The following SNX31 variants were observed in gnomAD, a reference collection of about 807,000 sequenced individuals.
SNX31 encodes sorting nexin-31.
Under a neutral mutation model 65.4 loss-of-function variants are expected in SNX31, and 58 were observed. The observed-to-expected ratio is 0.89, with a 90% CI of 0.72 to 1.10. SNX31 has a LOEUF of 1.10. Ranked by LOEUF, SNX31 falls within the 50% of genes least tolerant of loss-of-function variation. The probability of loss-of-function intolerance (pLI) is 0.00; values close to 1 mark genes in which losing one functional copy is unlikely to be tolerated. For synonymous variants in SNX31, 181 were observed against 190.1 expected, an observed-to-expected ratio of 0.95 and a Z score of 0.39; for missense variants, 523 against 529.7, an observed-to-expected ratio of 0.99 and a Z score of 0.12.
intron 4 of SNX31, among the ~76,000 whole-genome samples, chr8:100,619,359 A>G (rs906538205): frequency 3.9e-5 from 6 of 152,216 alleles, no homozygotes; most frequent in African/African-American, 1.2e-4. Context: ...CCATCTAGTG[A>G]GTGAGTTTCC....
chr8:100,641,947 CA>C (rs1405929896), intron 2 of SNX31, among the ~76,000 whole-genome samples: 1 of 151,626 alleles, frequency 6.6e-6, no homozygotes, highest in Non-Finnish European at 1.5e-5. Context: ...GGCTTGGTGG[CA>C]GGTGCCTGTA....
chr8:100,646,433 C>G (rs895136585), intron 2 of SNX31, among the ~76,000 whole-genome samples: 3 of 152,248 alleles, frequency 2.0e-5, no homozygotes, highest in African/African-American at 2.4e-5. Context: ...TGTTTCAGAC[C>G]TTTAAAGGTG....
chr8:100,611,890 T>C (rs1267027399), intron 7 of SNX31, 110 bp downstream of exon 7: 8 of 808,278 alleles, frequency 9.9e-6, no homozygotes, highest in African/African-American at 3.4e-5. Flanking sequence ...TCTAAGTTCT[T>C]GGTCTCCAGC....
intron 12 of SNX31, among the ~76,000 whole-genome samples, chr8:100,583,733 A>C (rs747323493): frequency 5.9e-5 from 9 of 152,204 alleles, no homozygotes; most frequent in Admixed American, 1.3e-4. Context: ...TAAACTTATA[A>C]TAAGATCATC....
rs1487018042 is a variant in SNX31, at chr8:100,625,488, A to G, written c.321+4839T>C. Reference sequence around the variant, plus strand: ...AATTAAAAGATTTCTCCAGTTGTTAAATTCAACTCAATTCAACTCAAAAAG... The same window carrying G: ...AATTAAAAGATTTCTCCAGTTGTTAGATTCAACTCAATTCAACTCAAAAAG... On this transcript the variant is annotated intron_variant, in intron 4 of 13. Coordinates refer to ENST00000311812, the MANE Select transcript of SNX31 (RefSeq NM_152628.4). This position sits in a 1 kb window ranked among gnomAD's most constrained non-coding sequence, Gnocchi z 4.2. Among the ~76,000 whole-genome samples the G allele has an allele frequency of 1.3e-5, 2 of 152,178 alleles. No individual in the cohort carries two copies. Among genetic ancestry groups the G allele is most frequent in the Admixed American group, 1.3e-4 (2 of 15,282 alleles).
chr8:100,618,485 TATGAC>T, intron 4 of SNX31: 1 of 650,458 alleles, frequency 1.5e-6, no homozygotes. Flanking sequence ...TCAATTCAAT[TATGAC>T]ATGCTTTGCT....
At chr8:100,649,207 C>A (rs1231584710) in intron 2 of SNX31, 67 bp downstream of exon 2, 2 of 1,513,940 alleles carry the variant, frequency 1.3e-6, no homozygotes, top group African/African-American at 1.4e-5. Context: ...AGGAACAGAG[C>A]GCTTTGGGGA....
In SNX31 at chr8:100,584,122, T is replaced by C; in HGVS notation, c.1159A>G (p.Asn387Asp). ...ATAAGAGCACTCACCATTTCTGTAT[T>C]CTCAGCAGCTAGCTTTACCATCTTT... The part of the protein sequence containing the change: ...SEKMVKLAAE[N>D]TEMQIEVPEQ... The change falls in exon 12 of 14, where the codon AAT (asparagine) becomes GAT (aspartate). Residue 387 changes from asparagine (N) to aspartate (D), a missense_variant. Physicochemically the swap from Asn to Asp is conservative, Grantham distance 23. Transcript: ENST00000311812. The C allele has an allele frequency of 6.2e-7, 1 of 1,604,962 alleles. No individual in the cohort carries two copies. The highest frequency in any genetic ancestry group is 8.5e-7 in the Non-Finnish European group (1 of 1,176,676).
Position 100,611,941 on chromosome 8 carries a change from C to G in SNX31, c.611+59G>C, listed in dbSNP as rs77105208. 3.6e-3 allele frequency: 4,725 copies of G among 1,318,376 alleles called. 122 individuals carry two copies. In the African/African-American group the frequency reaches 0.056, roughly 16 times the overall value. The allele number at this position is 1,318,376 out of a possible 1,614,324, so 81.7% of individuals were successfully genotyped here. A position where few individuals can be genotyped will look rare whatever the true frequency, so the allele number is the denominator to read the frequency against. On this transcript the variant is annotated intron_variant, in intron 7 of 13. Coordinates refer to ENST00000311812, the MANE Select transcript of SNX31 (RefSeq NM_152628.4). ...AGGATGTGACGGGACTCTGGTAAGT[C>G]CTGATGGGCAATGGCGAAGTGTCGT...
chr8:100,618,162 A>T, intron 4 of SNX31: 1 of 984,992 alleles, frequency 1.0e-6, no homozygotes, highest in Non-Finnish European at 1.2e-6. Flanking sequence ...CAAAGTTCCC[A>T]AGAGACAAGT....
intron 1 of SNX31, 44 bp downstream of exon 1, chr8:100,649,405 A>G (rs1819876181): frequency 1.9e-6 from 3 of 1,604,268 alleles, no homozygotes; most frequent in South Asian, 1.1e-5. Flanking sequence ...GAGCATTGCC[A>G]CCGGCCCCCT....
At chr8:100,635,375 G>A (rs942861012) in intron 3 of SNX31, among the ~76,000 whole-genome samples, 3 of 151,776 alleles carry the variant, frequency 2.0e-5, no homozygotes, top group Admixed American at 2.0e-4. Context: ...GAGTAGCTGG[G>A]ATTATAGGCA....
chr8:100,626,119 A>T lies in SNX31; in HGVS notation c.321+4208T>A, dbSNP rs1483455474. Among the ~76,000 whole-genome samples the T allele has an allele frequency of 1.3e-5, 2 of 152,154 alleles. No individual in the cohort carries two copies. Among genetic ancestry groups the T allele is most frequent in the African/African-American group, 4.8e-5 (2 of 41,444 alleles). ...CATGCGCCTGTAGTCCCAGCAACTC[A>T]GGAGGCTGAGACAGGAGAATCGCTT... is the stretch of plus-strand genomic sequence containing the variant. On this transcript the variant is annotated intron_variant, in intron 4 of 13. Coordinates refer to ENST00000311812, the MANE Select transcript of SNX31 (RefSeq NM_152628.4). The surrounding 1 kb of genome is among the most constrained non-coding windows in gnomAD (Gnocchi z 4.4).
intron 11 of SNX31, among the ~76,000 whole-genome samples, chr8:100,587,919 T>C (rs943988685): frequency 1.3e-5 from 2 of 152,162 alleles, no homozygotes; most frequent in Non-Finnish European, 2.9e-5. Flanking sequence ...GCAAACAACA[T>C]AGAGTGTAGT....
intron 8 of SNX31, among the ~76,000 whole-genome samples, chr8:100,602,778 C>T (rs1357469482): frequency 3.3e-5 from 5 of 152,080 alleles, no homozygotes; most frequent in Admixed American, 6.6e-5. Context: ...ATTCATGTTC[C>T]GGGCCAGCAA....
At chr8:100,661,005 A>ATTTT (rs1457172508) in intron 1 of SNX31, among the ~76,000 whole-genome samples, 1 of 93,940 alleles carries the variant, frequency 1.1e-5, no homozygotes, top group Admixed American at 1.2e-4. Context: ...AAGCAGGTCG[A>ATTTT]TATTTTTTTT....
At chr8:100,624,254 T>C (rs1563563080) in intron 4 of SNX31, among the ~76,000 whole-genome samples, 1 of 152,124 alleles carries the variant, frequency 6.6e-6, no homozygotes, top group Non-Finnish European at 1.5e-5. Flanking sequence ...GATGGAGTCC[T>C]GGGCAACATA....
chr8:100,659,000 T>C (rs1031543109), intron 1 of SNX31, among the ~76,000 whole-genome samples: 8 of 152,108 alleles, frequency 5.3e-5, no homozygotes, highest in African/African-American at 1.4e-4. Context: ...TCATGTGGGA[T>C]TCACACATGG....
Position 100,573,423 on chromosome 8 carries a change from C to T in SNX31, c.*442G>A, listed in dbSNP as rs1441535755. 1.3e-5 allele frequency: 2 copies of T among 152,282 alleles called. No individual in the cohort carries two copies. The highest frequency in any genetic ancestry group is 6.5e-5 in the Admixed American group (1 of 15,280). 9.4% of individuals were successfully genotyped at this position (152,282 alleles called of 1,614,324 possible). A position where few individuals can be genotyped will look rare whatever the true frequency, so the allele number is the denominator to read the frequency against. ...CCTATTCTCCTCCGTTGAAGAGTCA[C>T]ATCTTTAGAAATCGATCCAAAATAT... On this transcript the variant is annotated 3_prime_UTR_variant, in exon 14 of 14. Transcript: ENST00000311812.
Sources: gnomAD v4.1 joint callset for allele counts (sites outside exome capture counted in the v4.1 genomes callset) on GRCh38, gnomAD v4.1.1 for gene constraint, Gnocchi (gnomAD v3.1) non-coding constraint, MANE v1.5 for transcripts, NCBI Gene and HGNC (gene_info 2026-07-23, HGNC 2026-07-21) for gene names.